The following KIFBP variants were observed in gnomAD, a reference collection of about 807,000 sequenced individuals.
KIFBP encodes the protein kinesin family binding protein, also known as KIF-binding protein.
KIFBP carries 46 observed loss-of-function variants against 58.9 expected under a neutral mutation model. The observed-to-expected ratio is 0.78, with a 90% CI of 0.62 to 1.00. KIFBP has a LOEUF of 1.00. Ranked by LOEUF, KIFBP falls within the 50% of genes least tolerant of loss-of-function variation. The pLI, the probability that KIFBP is intolerant of heterozygous loss-of-function variation, is 0.00. For synonymous variants in KIFBP, 241 were observed against 283.4 expected (o/e 0.85, Z 1.50); for missense variants, 651 against 752.9 (o/e 0.86, Z 1.58).
chr10:69,010,922 G>A lies in KIFBP; in HGVS notation c.897G>A (p.Val299=), dbSNP rs755818234. The change falls in exon 6 of 7, where the codon GTG becomes GTA. Residue 299 remains valine (V), a synonymous_variant. Coordinates refer to ENST00000361983, the MANE Select transcript of KIFBP (RefSeq NM_015634.4). The stretch of plus-strand genomic sequence containing the variant: ...TAGCTCCTGAAGCTGAAGGAGAAGT[G>A]CCAGAGCTTTATCATCAAAGAAAGG... ...TEDTPEAEGE[V]PELYHQRKGE... is the part of the protein sequence containing the mutation. The A allele has an allele frequency of 6.2e-7, 1 of 1,613,798 alleles. No individual in the cohort carries two copies. The highest frequency in any genetic ancestry group is 8.5e-7 in the Non-Finnish European group (1 of 1,179,750).
chr10:69,014,255 G>A (rs552266347), intron 6 of KIFBP, among the ~76,000 whole-genome samples: 1 of 152,274 alleles, frequency 6.6e-6, no homozygotes, highest in African/African-American at 2.4e-5. Flanking sequence ...GTACAATTTT[G>A]CTAAGTTCCA....
rs1387463152 is a variant in KIFBP, at chr10:68,989,097, C to A, written c.265C>A (p.Gln89Lys). 8.1e-6 allele frequency: 13 copies of A among 1,610,728 alleles called. No homozygotes were observed. Among genetic ancestry groups the A allele is most frequent in the Non-Finnish European group, 1.1e-5 (13 of 1,177,928 alleles). ...EVVEPEGPVA[Q>K]RAVRLAVIEF... is the part of the protein sequence containing the mutation. ...GGTGGAGCCCGAGGGGCCCGTCGCCCAGCGAGCGGTGAGGCTGGCAGTCAT... is the reference window on the plus strand; with the variant it reads ...GGTGGAGCCCGAGGGGCCCGTCGCCAAGCGAGCGGTGAGGCTGGCAGTCAT... Residue 89 changes from glutamine (Q) to lysine (K), a missense_variant, in exon 1 of 7, where the codon CAG (glutamine) becomes AAG (lysine). Transcript: ENST00000361983.
At chr10:69,004,394 A>AG (rs1238084960) in intron 2 of KIFBP, among the ~76,000 whole-genome samples, 2 of 149,548 alleles carry the variant, frequency 1.3e-5, no homozygotes, top group African/African-American at 5.0e-5. Context: ...AATTAAAAAA[A>AG]GAAAAAATAC....
chr10:69,009,516 G>A (rs1843569917), intron 5 of KIFBP, among the ~76,000 whole-genome samples: 1 of 152,030 alleles, frequency 6.6e-6, no homozygotes, highest in African/African-American at 2.4e-5. Flanking sequence ...TTTTCGTCTG[G>A]AATTGTTCCT....
chr10:69,016,400 A>G lies in KIFBP; in HGVS notation c.1850A>G (p.Lys617Arg). 1 of 1,614,124 alleles carries G rather than the reference A, an allele frequency of 6.2e-7. No homozygotes were observed. Among genetic ancestry groups the G allele is most frequent in the Non-Finnish European group, 8.5e-7 (1 of 1,179,992 alleles). ...LPTKMERFRT[K>R]MALT ...ACAAAAATGGAGAGATTCAGAACCA[A>G]GATGGCCCTGACTTAATCCTTGTTT... is the stretch of plus-strand genomic sequence containing the variant. The change falls in exon 7 of 7, where the codon AAG (lysine) becomes AGG (arginine). Residue 617 changes from lysine (K) to arginine (R), a missense_variant. Lys to Arg is a conservative substitution (Grantham distance 26, BLOSUM62 2). Coordinates refer to ENST00000361983, the MANE Select transcript of KIFBP (RefSeq NM_015634.4).
chr10:69,016,508 T>C lies in KIFBP; in HGVS notation c.*92T>C, dbSNP rs1839008092. 1.5e-6 allele frequency: 2 copies of C among 1,324,882 alleles called. No individual in the cohort carries two copies. Among genetic ancestry groups the C allele is most frequent in the Non-Finnish European group, 2.1e-6 (2 of 931,592 alleles). 82.1% of individuals were successfully genotyped at this position (1,324,882 alleles called of 1,614,324 possible). ...AATTCCATTGTGATGTTTACCTTTA[T>C]AGCCAGGTGAGTGCAGTTTGAACTT... On this transcript the variant is annotated 3_prime_UTR_variant, in exon 7 of 7. Coordinates refer to ENST00000361983, the MANE Select transcript of KIFBP (RefSeq NM_015634.4).
At chr10:68,989,539 C>T (rs531110100) in intron 1 of KIFBP, 5 of 552,514 alleles carry the variant, frequency 9.0e-6, no homozygotes, top group Non-Finnish European at 1.6e-5. Flanking sequence ...TTAGACGTGG[C>T]GATGCATTGG....
At chr10:68,989,287 C>G in intron 1 of KIFBP, 29 bp downstream of exon 1, 1 of 1,609,620 alleles carries the variant, frequency 6.2e-7, no homozygotes, top group Non-Finnish European at 8.5e-7. Context: ...AGGCCGGCCC[C>G]TGTTGGCAAA....
In KIFBP at chr10:69,005,893, T is replaced by C. The variant is rs1177613996; in HGVS notation, c.767T>C (p.Leu256Ser). 1 of 1,614,042 alleles carries C rather than the reference T, an allele frequency of 6.2e-7. No homozygotes were observed. The highest frequency in any genetic ancestry group is 1.1e-5 in the South Asian group (1 of 91,028). ...GAGTGGGCTATCAATGCTGCTACCT[T>C]GTCACAGTTTTACATCAATAAGGTA... ...PIEWAINAATLSQFYINKLCF... is the reference protein window; with the variant it reads ...PIEWAINAATSSQFYINKLCF... Residue 256 changes from leucine (L) to serine (S), a missense_variant, in exon 4 of 7, where the codon TTG becomes TCG. Leu to Ser is a moderately radical substitution (Grantham distance 145, BLOSUM62 -2). Transcript: ENST00000361983.
intron 5 of KIFBP, among the ~76,000 whole-genome samples, chr10:69,009,398 A>G (rs1403513192): frequency 2.0e-5 from 3 of 152,088 alleles, no homozygotes; most frequent in Non-Finnish European, 4.4e-5. Context: ...GCATATTTCT[A>G]TTTCATCAGT....
At chr10:69,011,838 C>T (rs1843597738) in intron 6 of KIFBP, among the ~76,000 whole-genome samples, 1 of 151,290 alleles carries the variant, frequency 6.6e-6, no homozygotes, top group African/African-American at 2.4e-5. Flanking sequence ...TTACAGGTGC[C>T]TGCCACCATG....
At chr10:69,005,534 G>A (rs1843523811) in intron 3 of KIFBP, among the ~76,000 whole-genome samples, 198 bp from the exon 4 acceptor site, 1 of 151,992 alleles carries the variant, frequency 6.6e-6, no homozygotes, top group African/African-American at 2.4e-5. Context: ...AAATTAGCCA[G>A]GCATGGTGGC....
intron 1 of KIFBP, among the ~76,000 whole-genome samples, chr10:68,995,006 G>A (rs1036778219): frequency 1.3e-5 from 2 of 151,742 alleles, no homozygotes; most frequent in African/African-American, 4.8e-5. Flanking sequence ...CTGAATAGCT[G>A]GGACTATGTA....
chr10:69,013,897 G>T (rs1326673153), intron 6 of KIFBP, among the ~76,000 whole-genome samples: 1 of 152,080 alleles, frequency 6.6e-6, no homozygotes, highest in Non-Finnish European at 1.5e-5. Context: ...CAACAGGTGT[G>T]TGCCACTGTG....
intron 1 of KIFBP, among the ~76,000 whole-genome samples, chr10:68,999,289 G>A (rs1843438858): frequency 6.6e-6 from 1 of 150,630 alleles, no homozygotes. Flanking sequence ...GTAGAGATGG[G>A]GTTTCACCAT....
At chr10:68,990,558 A>G (rs1349699441) in intron 1 of KIFBP, among the ~76,000 whole-genome samples, 2 of 152,142 alleles carry the variant, frequency 1.3e-5, no homozygotes, top group African/African-American at 2.4e-5. Context: ...AACAAAATCC[A>G]CATCAATATT....
At chr10:69,014,716 GC>G (rs34411801) in intron 6 of KIFBP, among the ~76,000 whole-genome samples, 27,104 of 138,190 alleles carry the variant, frequency 0.2, 3,145 homozygotes, top group Admixed American at 0.25. Flanking sequence ...TTTTTTATTT[GC>G]CCCCCCCCAC....
chr10:69,015,269 A>G, intron 6 of KIFBP: 1 of 395,488 alleles, frequency 2.5e-6, no homozygotes, highest in Middle Eastern at 7.4e-4. Context: ...TATTGGAAGG[A>G]GTAACTGTAA....
chr10:68,993,556 T>C (rs867088392), intron 1 of KIFBP, among the ~76,000 whole-genome samples: 1 of 152,170 alleles, frequency 6.6e-6, no homozygotes, highest in South Asian at 2.1e-4. Flanking sequence ...ATTAGTAGCC[T>C]GAGGTCAACA....
Sources: allele counts gnomAD v4.1 joint callset (sites outside exome capture counted in the v4.1 genomes callset), GRCh38; gene constraint gnomAD v4.1.1; transcripts MANE v1.5; gene names NCBI Gene and HGNC (gene_info 2026-07-23, HGNC 2026-07-21).